The following ERGIC2 variants were observed in gnomAD, a reference collection of about 807,000 sequenced individuals.
ERGIC2 encodes the protein endoplasmic reticulum-Golgi intermediate compartment protein 2.
In ERGIC2, 31 loss-of-function variants were observed where a neutral mutation model predicts 52.5. The ratio of observed to expected loss-of-function variants is 0.59; its 90% CI spans 0.44 to 0.80. ERGIC2 has a LOEUF of 0.80. Ranked by LOEUF, ERGIC2 falls within the 30% of genes least tolerant of loss-of-function variation. The pLI, the probability that ERGIC2 is intolerant of heterozygous loss-of-function variation, is 0.00. For missense variants in ERGIC2, 395 were observed against 455.2 expected, an observed-to-expected ratio of 0.87 and a Z score of 1.20; for synonymous variants, 129 against 140.6, an observed-to-expected ratio of 0.92 and a Z score of 0.58.
intron 1 of ERGIC2, among the ~76,000 whole-genome samples, chr12:29,376,797 T>A (rs60044892): frequency 0.023 from 3,464 of 152,316 alleles, 117 homozygotes; most frequent in African/African-American, 0.078. Flanking sequence ...AGATCATCAA[T>A]GCTTGCCAGA....
intron 12 of ERGIC2, 118 bp from the exon 13 acceptor site, chr12:29,341,934 A>C: frequency 1.9e-6 from 1 of 537,082 alleles, no homozygotes. Context: ...ATTCACTTCC[A>C]TGGTTAAAAA....
intron 13 of ERGIC2, 103 bp downstream of exon 13, chr12:29,341,631 C>G: frequency 2.9e-6 from 2 of 683,414 alleles, no homozygotes; most frequent in South Asian, 3.9e-5. Context: ...CCTTAGCCTC[C>G]CAAAGTCTTG....
intron 8 of ERGIC2, among the ~76,000 whole-genome samples, chr12:29,355,050 T>C (rs1204219744): frequency 6.6e-6 from 1 of 152,182 alleles, no homozygotes; most frequent in African/African-American, 2.4e-5. Context: ...TAATGTTATC[T>C]CTATATGTAT....
At chr12:29,364,972 A>C (rs1940338248) in intron 5 of ERGIC2, among the ~76,000 whole-genome samples, 2 of 151,398 alleles carry the variant, frequency 1.3e-5, no homozygotes, top group African/African-American at 4.8e-5. Flanking sequence ...AAGATGTTGG[A>C]GAGGCTGTGG....
rs763268585 is a variant in ERGIC2, at chr12:29,345,568, A to G, written c.728-28T>C. 22 of 1,172,734 alleles carry G rather than the reference A, an allele frequency of 1.9e-5. No homozygotes were observed. The African/African-American group carries it at 3.2e-4, about 17-fold the overall frequency. The allele number at this position is 1,172,734 out of a possible 1,614,324, so 72.6% of individuals were successfully genotyped here. A position where few individuals can be genotyped will look rare whatever the true frequency, so the allele number is the denominator to read the frequency against. ...AGAATACAAAAAAAACTTTTTATCA[A>G]TTCAGTAGCAACAAAACTACTGCCA... is the stretch of plus-strand genomic sequence containing the variant. On this transcript the variant is annotated intron_variant, in intron 10 of 13. Coordinates refer to ENST00000360150, the MANE Select transcript of ERGIC2 (RefSeq NM_016570.3).
intron 6 of ERGIC2, among the ~76,000 whole-genome samples, chr12:29,361,361 A>T (rs764559088): frequency 3.0e-4 from 45 of 152,352 alleles, no homozygotes; most frequent in Non-Finnish European, 6.0e-4. Context: ...TTGAATTTTT[A>T]AAATGATCAT....
intron 1 of ERGIC2, among the ~76,000 whole-genome samples, chr12:29,377,465 A>G (rs1940530036): frequency 6.6e-6 from 1 of 152,220 alleles, no homozygotes; most frequent in Non-Finnish European, 1.5e-5. Context: ...GACTACTTAT[A>G]AAACCTAATA....
intron 5 of ERGIC2, among the ~76,000 whole-genome samples, chr12:29,365,169 A>G (rs1241284411): frequency 1.3e-5 from 2 of 152,136 alleles, no homozygotes; most frequent in African/African-American, 2.4e-5. Context: ...TCTTTATTGC[A>G]GCACCATTCA....
At chr12:29,372,719 A>C (rs1826403082) in intron 1 of ERGIC2, 1 of 149,324 alleles carries the variant, frequency 6.7e-6, no homozygotes, top group Non-Finnish European at 1.5e-5. Flanking sequence ...CAGTGGCGTG[A>C]TCTCAACTCA....
Position 29,371,598 on chromosome 12 carries a change from C to A in ERGIC2, c.36G>T (p.Leu12Phe), listed in dbSNP as rs1940441878. 1 of 1,613,472 alleles carries A rather than the reference C, an allele frequency of 6.2e-7. No homozygotes were observed. The highest frequency in any genetic ancestry group is 1.3e-5 in the African/African-American group (1 of 74,892). Reference sequence around the variant, plus strand: ...TCGGAAAGGCATCCAACTCTTTTACCAAACTTAAAGTTTTTTTCCGATTCA... The same window carrying A: ...TCGGAAAGGCATCCAACTCTTTTACAAAACTTAAAGTTTTTTTCCGATTCA... The part of the protein sequence containing the change: ...RRLNRKKTLS[L>F]VKELDAFPKV... The change falls in exon 2 of 14, where the codon TTG (leucine) becomes TTT (phenylalanine). Residue 12 changes from leucine (L) to phenylalanine (F), a missense_variant. Coordinates refer to ENST00000360150, the MANE Select transcript of ERGIC2 (RefSeq NM_016570.3).
At chr12:29,376,756 C>T (rs957478746) in intron 1 of ERGIC2, among the ~76,000 whole-genome samples, 1 of 152,108 alleles carries the variant, frequency 6.6e-6, no homozygotes, top group Non-Finnish European at 1.5e-5. Flanking sequence ...GTGTGGTAAG[C>T]CATTTTCAAA....
At chr12:29,354,197 G>C (rs911913878) in intron 8 of ERGIC2, among the ~76,000 whole-genome samples, 4 of 152,124 alleles carry the variant, frequency 2.6e-5, no homozygotes, top group African/African-American at 9.7e-5. Context: ...AATAATCTGA[G>C]TCTAGAACTG....
intron 13 of ERGIC2, 74 bp from the exon 14 acceptor site, chr12:29,341,292 GT>G: frequency 8.3e-7 from 1 of 1,201,852 alleles, no homozygotes; most frequent in Non-Finnish European, 1.2e-6. Flanking sequence ...TAAACACAAG[GT>G]TTTATTTTGG....
chr12:29,354,685 T>C (rs1387939740), intron 8 of ERGIC2, among the ~76,000 whole-genome samples: 1 of 152,160 alleles, frequency 6.6e-6, no homozygotes, highest in Non-Finnish European at 1.5e-5. Context: ...GCTTTTCTAT[T>C]TGGCCTCTCT....
intron 10 of ERGIC2, among the ~76,000 whole-genome samples, chr12:29,347,202 A>G (rs1565536467): frequency 6.6e-6 from 1 of 152,198 alleles, no homozygotes; most frequent in Non-Finnish European, 1.5e-5. Flanking sequence ...AAGCCACTCA[A>G]TTAGATAGTA....
intron 1 of ERGIC2, among the ~76,000 whole-genome samples, chr12:29,373,301 T>C (rs1940469268): frequency 6.6e-6 from 1 of 152,160 alleles, no homozygotes; most frequent in Admixed American, 6.6e-5. Flanking sequence ...TACATAATTT[T>C]TATGACTGAT....
Position 29,357,683 on chromosome 12 carries a change from G to C in ERGIC2, c.416C>G (p.Ser139Ter). Residue 139 changes from serine to a stop codon, truncating the protein, a stop_gained, in exon 7 of 14, where the codon TCA becomes TGA. Coordinates refer to ENST00000360150, the MANE Select transcript of ERGIC2 (RefSeq NM_016570.3). LOFTEE classifies it high-confidence loss of function. Reference sequence around the variant, plus strand: ...ACTTTTAAATATCACATCTTGAAGTGAATGCTCTTCTTGTAGCCTACTCTG... The same window carrying C: ...ACTTTTAAATATCACATCTTGAAGTCAATGCTCTTCTTGTAGCCTACTCTG... ...LIQSRLQEEH[S>*]LQDVIFKSAF... 1 of 1,609,666 alleles carries C rather than the reference G, an allele frequency of 6.2e-7. No individual in the cohort carries two copies. Among genetic ancestry groups the C allele is most frequent in the Non-Finnish European group, 8.5e-7 (1 of 1,176,438 alleles).
At chr12:29,353,573 T>C (rs1940162137) in intron 8 of ERGIC2, among the ~76,000 whole-genome samples, 2 of 152,028 alleles carry the variant, frequency 1.3e-5, no homozygotes, top group South Asian at 2.1e-4. Context: ...ATGCTCAAAT[T>C]TGGAGTATTT....
At chr12:29,375,121 C>G (rs1446383464) in intron 1 of ERGIC2, among the ~76,000 whole-genome samples, 2 of 152,130 alleles carry the variant, frequency 1.3e-5, no homozygotes, top group African/African-American at 4.8e-5. Context: ...TACCGCATCT[C>G]TACATTTGAC....
Sources: gnomAD v4.1 joint callset for allele counts (sites outside exome capture counted in the v4.1 genomes callset) on GRCh38, gnomAD v4.1.1 for gene constraint, MANE v1.5 for transcripts, NCBI Gene and HGNC (gene_info 2026-07-23, HGNC 2026-07-21) for gene names.